MAPK4: variants seen among roughly 807,000 people sequenced by gnomAD.
MAPK4 encodes the protein mitogen-activated protein kinase 4, also known as Erk3-related.
MAPK4 carries 22 observed loss-of-function variants against 47.7 expected under a neutral mutation model. That is an observed-to-expected ratio of 0.46 (90% CI 0.33 to 0.66). MAPK4 has a LOEUF of 0.66. MAPK4 is among the 30% of genes least tolerant of loss of function. The pLI is 0.02. For missense variants in MAPK4, 736 were observed against 831.7 expected, an observed-to-expected ratio of 0.88 and a Z score of 1.42; for synonymous variants, 390 against 365.7, an observed-to-expected ratio of 1.07 and a Z score of -0.76.
intron 2 of MAPK4, among the ~76,000 whole-genome samples, chr18:50,699,497 G>C (rs1256571786): frequency 2.0e-5 from 3 of 152,158 alleles, no homozygotes; most frequent in African/African-American, 7.2e-5. Flanking sequence ...CTAAATATAA[G>C]ATCAATATAC....
In MAPK4 at chr18:50,573,053, C is replaced by G. The variant is rs2042263693; in HGVS notation, c.-871+12810C>G. 2.0e-5 allele frequency among the ~76,000 whole-genome samples: 3 copies of G among 152,116 alleles called. No individual in the cohort carries two copies. In the South Asian group the frequency reaches 6.2e-4, roughly 32 times the overall value. On this transcript the variant is annotated intron_variant, in intron 1 of 5. Transcript: ENST00000400384. Reference sequence around the variant, plus strand: ...TATGGGGCAGTCATAAGCTTTTTTCCTAGAAGGACACACAAGACATTGTTA... The same window carrying G: ...TATGGGGCAGTCATAAGCTTTTTTCGTAGAAGGACACACAAGACATTGTTA...
chr18:50,722,207 C>T (rs1245930643), intron 4 of MAPK4, 108 bp downstream of exon 4: 1 of 1,277,010 alleles, frequency 7.8e-7, no homozygotes, highest in Non-Finnish European at 1.1e-6. Context: ...AAGCATGGTC[C>T]TTGGATATAA....
chr18:50,692,194 C>T (rs1909255892), intron 2 of MAPK4, among the ~76,000 whole-genome samples: 2 of 152,210 alleles, frequency 1.3e-5, no homozygotes, highest in Non-Finnish European at 2.9e-5. Flanking sequence ...TCTGCTGTTG[C>T]TCCAGAAGCC....
chr18:50,635,079 G>A (rs2042871909), intron 1 of MAPK4, among the ~76,000 whole-genome samples: 1 of 152,216 alleles, frequency 6.6e-6, no homozygotes, highest in Non-Finnish European at 1.5e-5. Context: ...CTATTTGAGG[G>A]CAGCGTATCT....
At chr18:50,612,514 A>G (rs1017413233) in intron 1 of MAPK4, among the ~76,000 whole-genome samples, 1 of 152,212 alleles carries the variant, frequency 6.6e-6, no homozygotes, top group Non-Finnish European at 1.5e-5. Flanking sequence ...GCATAGAACA[A>G]GAGCTGTATA....
At chr18:50,605,582 AC>A (rs1197279253) in intron 1 of MAPK4, among the ~76,000 whole-genome samples, 1 of 152,146 alleles carries the variant, frequency 6.6e-6, no homozygotes, top group East Asian at 1.9e-4. Context: ...GTCACTTCTA[AC>A]TGGGCAGTTT....
At chr18:50,656,077 C>G (rs2043107072) in intron 1 of MAPK4, among the ~76,000 whole-genome samples, 1 of 152,136 alleles carries the variant, frequency 6.6e-6, no homozygotes, top group Non-Finnish European at 1.5e-5. Flanking sequence ...GACCCAGGAC[C>G]CCAGACTCAA....
chr18:50,560,855 G>T (rs542649587), intron 1 of MAPK4: 2 of 152,380 alleles, frequency 1.3e-5, no homozygotes, highest in South Asian at 2.1e-4. Flanking sequence ...GCAGCGGCTC[G>T]GGTTTGACAT....
chr18:50,574,306 C>A lies in MAPK4; in HGVS notation c.-871+14063C>A, dbSNP rs141869696. ...GGAATTGGATTTAAGGTATTTTCTC[C>A]CAAATAATTATACATTTCTAGGAAA... On this transcript the variant is annotated intron_variant, in intron 1 of 5. Transcript: ENST00000400384. Among the ~76,000 whole-genome samples the A allele has an allele frequency of 5.6e-3, 846 of 152,138 alleles. 7 individuals are homozygous for A. The highest frequency in any genetic ancestry group is 0.017 in the Middle Eastern group (5 of 294).
rs1433813139 is a variant in MAPK4, at chr18:50,715,236, C to A, written c.691+13C>A. The A allele has an allele frequency of 4.3e-6, 7 of 1,610,290 alleles. No individual in the cohort carries two copies. Among genetic ancestry groups the A allele is most frequent in the East Asian group, 2.2e-5 (1 of 44,838 alleles). ...ATGCTCTTTGCTGGTGAGTTGCTAA[C>A]TATGCCACCTTCCTTCTCATCTGGC... is the stretch of plus-strand genomic sequence containing the variant. On this transcript the variant is annotated intron_variant, in intron 3 of 5. Transcript: ENST00000400384.
chr18:50,584,527 C>T lies in MAPK4; in HGVS notation c.-871+24284C>T, dbSNP rs548241323. ...GTGAAAATATGAGAGAGTATTTGAA[C>T]TCTGCATGATGTATGAATTGTGTAT... On this transcript the variant is annotated intron_variant, in intron 1 of 5. Transcript: ENST00000400384. Among the ~76,000 whole-genome samples the T allele has an allele frequency of 5.3e-5, 8 of 152,328 alleles. No homozygotes were observed. The South Asian group carries it at 1.7e-3, about 32-fold the overall frequency.
chr18:50,631,258 C>T (rs552911929), intron 1 of MAPK4, among the ~76,000 whole-genome samples: 38 of 152,164 alleles, frequency 2.5e-4, no homozygotes, highest in South Asian at 6.3e-4. Context: ...TTAAGCATAG[C>T]GCTGAGGTGC....
chr18:50,634,362 G>C (rs984708147), intron 1 of MAPK4, among the ~76,000 whole-genome samples: 1 of 146,862 alleles, frequency 6.8e-6, no homozygotes, highest in Non-Finnish European at 1.5e-5. Flanking sequence ...CATGCTCTCA[G>C]ACTGGGTTCA....
intron 2 of MAPK4, among the ~76,000 whole-genome samples, chr18:50,686,336 G>C (rs1439648791): frequency 6.6e-6 from 1 of 152,198 alleles, no homozygotes; most frequent in Non-Finnish European, 1.5e-5. Flanking sequence ...GCAGGAGATT[G>C]AATGGGAACT....
chr18:50,721,971 T>G lies in MAPK4; in HGVS notation c.725T>G (p.Leu242Arg). The G allele has an allele frequency of 6.2e-7, 1 of 1,614,156 alleles. No individual in the cohort carries two copies. ...GAGCTGGAGCAGATGCAACTCATCC[T>G]GGAGACCATCCCTGTAATCCGGGAG... ...AHELEQMQLI[L>R]ETIPVIREED... The change falls in exon 4 of 6, where the codon CTG becomes CGG. Residue 242 changes from leucine (L) to arginine (R), a missense_variant. This residue lies in a region of MAPK4 where 327 missense variants were observed against 395.4 expected (regional missense o/e 0.83). Coordinates refer to ENST00000400384, the MANE Select transcript of MAPK4 (RefSeq NM_002747.4).
intron 1 of MAPK4, among the ~76,000 whole-genome samples, chr18:50,640,475 C>CT (rs1165127348): frequency 4.0e-5 from 6 of 148,704 alleles, no homozygotes; most frequent in Non-Finnish European, 7.5e-5. Context: ...CTTTTCTTTT[C>CT]TTTTTTTTGA....
chr18:50,717,484 G>T (rs1910702300), intron 3 of MAPK4, among the ~76,000 whole-genome samples: 1 of 152,166 alleles, frequency 6.6e-6, no homozygotes, highest in Non-Finnish European at 1.5e-5. Flanking sequence ...ATGTTGGGAA[G>T]GGAGGGGGAG....
chr18:50,726,262 G>A lies in MAPK4; in HGVS notation c.1067+87G>A, dbSNP rs1360322301. On this transcript the variant is annotated intron_variant, in intron 5 of 5. Transcript: ENST00000400384. ...CTAATCCTCCGTGACCTTCCCCTCT[G>A]TCTCCCAAGTTGCATAGCTCATTGG... is the stretch of plus-strand genomic sequence containing the variant. 4 of 1,293,098 alleles carry A rather than the reference G, an allele frequency of 3.1e-6. No homozygotes were observed. The East Asian group carries it at 7.3e-5, about 24-fold the overall frequency. 80.1% of individuals were successfully genotyped at this position (1,293,098 alleles called of 1,614,324 possible).
At chr18:50,600,165 T>G (rs2051982195) in intron 1 of MAPK4, among the ~76,000 whole-genome samples, 1 of 152,180 alleles carries the variant, frequency 6.6e-6, no homozygotes, top group South Asian at 2.1e-4. Context: ...CACTGAATAT[T>G]TGGAGAGAAC....
Sources: allele counts gnomAD v4.1 joint callset (sites outside exome capture counted in the v4.1 genomes callset), GRCh38; gene constraint gnomAD v4.1.1; regional missense constraint gnomAD v4.1.1; transcripts MANE v1.5; gene names NCBI Gene and HGNC (gene_info 2026-07-23, HGNC 2026-07-21).